Variants in SGCD observed in about 807,000 individuals in gnomAD.
SGCD encodes the protein sarcoglycan delta.
In SGCD, 18 loss-of-function variants were observed where a neutral mutation model predicts 36.6. That is an observed-to-expected ratio of 0.49 (90% CI 0.34 to 0.73). The LOEUF is 0.73. Among genes scored for constraint, SGCD ranks in the 30% least tolerant of loss-of-function variants. SGCD has a pLI of 0.01. For synonymous variants in SGCD, 133 were observed against 130.6 expected (o/e 1.02, Z -0.12); for missense variants, 387 against 346.7 (o/e 1.12, Z -0.92).
intron 3 of SGCD, among the ~76,000 whole-genome samples, chr5:156,347,717 G>A (rs1769022162): frequency 6.6e-6 from 1 of 152,078 alleles, no homozygotes. Flanking sequence ...TAGAGGAAGT[G>A]GAAAATATGA....
chr5:155,952,747 T>C (rs952474453), intron 1 of SGCD, among the ~76,000 whole-genome samples: 1 of 152,226 alleles, frequency 6.6e-6, no homozygotes, highest in African/African-American at 2.4e-5. Context: ...CCTGTCATTA[T>C]GCAAAATGTT....
the SGCD span, among the ~76,000 whole-genome samples, chr5:155,843,715 A>G: frequency 8.1e-4 from 123 of 152,266 alleles, no homozygotes; most frequent in African/African-American, 2.8e-3. Flanking sequence ...GTTTCCTGTA[A>G]ATGTAGAGCT....
Position 156,487,541 on chromosome 5 carries a change from G to A in SGCD, c.193-21060G>A, listed in dbSNP as rs533347236. ...GTGGTGGCTCACGCCTGTAATCCCA[G>A]CACTTTGGAAGGCTGAGGCGGGTGG... On this transcript the variant is annotated intron_variant, in intron 3 of 8. Transcript: ENST00000337851. 5.1e-4 allele frequency among the ~76,000 whole-genome samples: 78 copies of A among 152,222 alleles called. No homozygotes were observed. In the South Asian group the frequency reaches 6.6e-3, roughly 13 times the overall value.
At chr5:156,342,310 C>A (rs1768702837) in intron 2 of SGCD, among the ~76,000 whole-genome samples, 1 of 152,200 alleles carries the variant, frequency 6.6e-6, no homozygotes, top group African/African-American at 2.4e-5. Flanking sequence ...TAAAGAATTT[C>A]TCACTGTTTA....
At chr5:156,155,612 G>GAA (rs1164943017) in intron 3 of SGCD, among the ~76,000 whole-genome samples, 2 of 88,458 alleles carry the variant, frequency 2.3e-5, no homozygotes, top group Non-Finnish European at 4.7e-5. Flanking sequence ...TCGTGGGCTA[G>GAA]GAAAAAAAAA....
intron 3 of SGCD, among the ~76,000 whole-genome samples, chr5:156,279,214 G>A (rs528923968): frequency 7.2e-5 from 11 of 152,114 alleles, no homozygotes; most frequent in Non-Finnish European, 1.3e-4. Context: ...TATGGGCGGG[G>A]TAGGAAACAC....
At position 156,555,449 on chromosome 5, in the gene SGCD, C is replaced by T. The variant is rs147640913; in HGVS notation, c.295-33782C>T. On this transcript the variant is annotated intron_variant, in intron 4 of 8. Transcript: ENST00000337851. ...ATTCTTTTACATATAGCTATTCTGT[C>T]GTCCCAGCATCATTTGTTGAAAAGA... Among the ~76,000 whole-genome samples, 338 of 152,184 alleles carry T rather than the reference C, an allele frequency of 2.2e-3. 1 individual carries two copies. Among genetic ancestry groups the T allele is most frequent in the African/African-American group, 7.7e-3 (319 of 41,566 alleles).
intron 5 of SGCD, 38 bp downstream of exon 5, chr5:156,589,356 C>G (rs768138409): frequency 7.7e-6 from 9 of 1,169,620 alleles, no homozygotes; most frequent in Non-Finnish European, 1.1e-5. Flanking sequence ...CTAGCCCATG[C>G]GAGGCACTCA....
chr5:156,191,385 C>T (rs6876263), intron 3 of SGCD, among the ~76,000 whole-genome samples: 36,843 of 151,910 alleles, frequency 0.24, 4,867 homozygotes, highest in East Asian at 0.6. Context: ...AAAAGGTAGA[C>T]GCATTAAAAG....
intron 3 of SGCD, among the ~76,000 whole-genome samples, chr5:156,482,573 G>C (rs74700778): frequency 6.6e-6 from 1 of 152,038 alleles, no homozygotes. Flanking sequence ...TAGATAAGAA[G>C]CTCTATGTTC....
At chr5:155,910,960 C>T (rs1032043253) in intron 1 of SGCD, among the ~76,000 whole-genome samples, 3 of 152,110 alleles carry the variant, frequency 2.0e-5, no homozygotes, top group Admixed American at 6.6e-5. Flanking sequence ...TTCAGGGCCT[C>T]ATTTGGTATT....
chr5:156,606,668 C>T (rs1286782794), intron 6 of SGCD, among the ~76,000 whole-genome samples: 1 of 152,312 alleles, frequency 6.6e-6, no homozygotes, highest in Non-Finnish European at 1.5e-5. Flanking sequence ...ACTGATTCTT[C>T]CTACCCATGA....
intron 1 of SGCD, among the ~76,000 whole-genome samples, chr5:155,925,363 C>T (rs1247823960): frequency 2.0e-5 from 3 of 152,200 alleles, no homozygotes; most frequent in Non-Finnish European, 4.4e-5. Flanking sequence ...AATGTACTCT[C>T]TCACAGTTCT....
At chr5:156,414,058 C>G (rs903044573) in intron 3 of SGCD, among the ~76,000 whole-genome samples, 1 of 152,156 alleles carries the variant, frequency 6.6e-6, no homozygotes, top group South Asian at 2.1e-4. Flanking sequence ...TGCTCTGCAC[C>G]CCATTTTCTC....
chr5:155,759,586 A>T, the SGCD span, among the ~76,000 whole-genome samples: 1 of 152,226 alleles, frequency 6.6e-6, no homozygotes, highest in Admixed American at 6.5e-5. Flanking sequence ...TGTGTACAAG[A>T]TAGCACATGG....
chr5:155,869,924 G>C (rs995037020), upstream of SGCD, among the ~76,000 whole-genome samples: 1 of 152,122 alleles, frequency 6.6e-6, no homozygotes, highest in African/African-American at 2.4e-5. Context: ...GCTTGAACCC[G>C]GGAGGCAGAG....
intron 3 of SGCD, among the ~76,000 whole-genome samples, chr5:156,390,591 G>C (rs1217362095): frequency 6.6e-6 from 1 of 152,146 alleles, no homozygotes; most frequent in Non-Finnish European, 1.5e-5. Flanking sequence ...TCAGCCGGGT[G>C]TGGTGGCATG....
At chr5:156,681,165 C>T (rs1225884665) in intron 7 of SGCD, among the ~76,000 whole-genome samples, 4 of 152,122 alleles carry the variant, frequency 2.6e-5, no homozygotes, top group East Asian at 1.9e-4. Context: ...TCTTGTCCGG[C>T]GTTCAGGAAG....
the SGCD span, among the ~76,000 whole-genome samples, chr5:155,819,107 A>G: frequency 6.6e-6 from 1 of 152,110 alleles, no homozygotes; most frequent in Admixed American, 6.6e-5. Flanking sequence ...CCTCTCTGGG[A>G]CTCAGCTTCC....
Sources: allele counts gnomAD v4.1 joint callset (sites outside exome capture counted in the v4.1 genomes callset), GRCh38; gene constraint gnomAD v4.1.1; transcripts MANE v1.5; gene names NCBI Gene and HGNC (gene_info 2026-07-23, HGNC 2026-07-21).